VPS13B: variants seen among roughly 807,000 people sequenced by gnomAD.
VPS13B encodes vacuolar protein sorting 13 homolog B, also known as intermembrane lipid transfer protein VPS13B.
In VPS13B, 285 loss-of-function variants were observed where a neutral mutation model predicts 426.4. The observed-to-expected ratio is 0.67, with a 90% CI of 0.61 to 0.74. VPS13B has a LOEUF of 0.74. Ranked by LOEUF, VPS13B falls within the 30% of genes least tolerant of loss-of-function variation. VPS13B has a pLI of 0.00. For missense variants in VPS13B, 4,537 were observed against 4,782.6 expected (o/e 0.95, Z 1.51); for synonymous variants, 1,676 against 1,676.4 (o/e 1.00, Z 0.01).
chr8:99,299,210 C>T (rs770436355), intron 19 of VPS13B, among the ~76,000 whole-genome samples: 2 of 151,698 alleles, frequency 1.3e-5, no homozygotes, highest in Non-Finnish European at 2.9e-5. Flanking sequence ...TACAGGCCCC[C>T]ACCACTACAC....
chr8:99,346,099 A>G (rs1364376750), intron 19 of VPS13B: 2 of 152,336 alleles, frequency 1.3e-5, no homozygotes, highest in Admixed American at 1.3e-4. Flanking sequence ...AGCACTGCCA[A>G]CATGGAACCA....
intron 52 of VPS13B, among the ~76,000 whole-genome samples, chr8:99,833,709 A>G (rs1815216544): frequency 6.6e-6 from 1 of 152,238 alleles, no homozygotes; most frequent in Non-Finnish European, 1.5e-5. Flanking sequence ...ACATTTTTTA[A>G]AAAACAAAAT....
intron 21 of VPS13B, among the ~76,000 whole-genome samples, chr8:99,423,975 T>A (rs1816531572): frequency 6.6e-6 from 1 of 152,176 alleles, no homozygotes; most frequent in African/African-American, 2.4e-5. Flanking sequence ...GTTAACTTTC[T>A]GTCTCGTTGA....
intron 39 of VPS13B, among the ~76,000 whole-genome samples, chr8:99,725,383 AG>A (rs1833300729): frequency 6.6e-6 from 1 of 152,210 alleles, no homozygotes; most frequent in Admixed American, 6.5e-5. Flanking sequence ...TCTAATGAGC[AG>A]GGGCATTACA....
Position 99,661,466 on chromosome 8 carries a change from G to T in VPS13B, c.6021G>T (p.Gln2007His), listed in dbSNP as rs398124335. The T allele has an allele frequency of 1.9e-6, 3 of 1,613,338 alleles. No individual in the cohort carries two copies. The Admixed American group carries it at 5.0e-5, about 27-fold the overall frequency. The stretch of plus-strand genomic sequence containing the variant: ...TTCCACCTTCCTTTATAACACTACA[G>T]ATTAAAGACTTTCTGAATGGACCAG... Reference protein sequence around the residue: ...SGIPPSFITLQIKDFLNGPAD... With the variant: ...SGIPPSFITLHIKDFLNGPAD... Residue 2007 changes from glutamine to histidine, a missense_variant, in exon 35 of 62, where the codon CAG (glutamine) becomes CAT (histidine). Gln to His is a conservative substitution (Grantham distance 24). Around this residue, in one of 2 missense-constraint regions of VPS13B, gnomAD observed 4,311 missense variants for 4,474.3 expected, o/e 0.96. Coordinates refer to ENST00000357162, the MANE Select transcript of VPS13B (RefSeq NM_152564.5).
rs546154970 is a variant in VPS13B at position 99,397,133 on chromosome 8, T to G, written c.3082+5429T>G. Among the ~76,000 whole-genome samples, 102 of 152,242 alleles carry G rather than the reference T, an allele frequency of 6.7e-4. 1 individual carries two copies. Among genetic ancestry groups the G allele is most frequent in the Admixed American group, 1.6e-3 (24 of 15,284 alleles). On this transcript the variant is annotated intron_variant, in intron 21 of 61. Coordinates refer to ENST00000357162, the MANE Select transcript of VPS13B (RefSeq NM_152564.5). The stretch of plus-strand genomic sequence containing the variant: ...AATCATCTTTGGTTATTGAGTAGAA[T>G]ATTTCTTCTTTATTTATTTATTTAT...
chr8:99,821,330 AAC>A lies in VPS13B; in HGVS notation c.9034_9035del (p.Thr3012CysfsTer8). 6.2e-7 allele frequency: 1 copy of A among 1,613,840 alleles called. No individual in the cohort carries two copies. Among genetic ancestry groups the A allele is most frequent in the Non-Finnish European group, 8.5e-7 (1 of 1,179,798 alleles). On this transcript the variant is annotated frameshift_variant, in exon 50 of 62. Transcript: ENST00000357162. LOFTEE classifies it high-confidence loss of function. Reference protein sequence around the residue: ...FQIGIYWANTNTVHKSVAIKL... With the variant: ...FQIGIYWANTXTVHKSVAIKL... ...AATTGGAATATACTGGGCAAATACA[AAC>A]ACTGTGCACAAGTCAGTAGCAATTA...
chr8:99,034,658 A>G (rs951236320), intron 2 of VPS13B, among the ~76,000 whole-genome samples: 3 of 151,838 alleles, frequency 2.0e-5, no homozygotes, highest in African/African-American at 7.3e-5. Context: ...CATTTTCCAG[A>G]TTTCTCTGTT....
intron 29 of VPS13B, among the ~76,000 whole-genome samples, chr8:99,515,400 TTCCTCCTCCTCC>T (rs751830064): frequency 6.6e-6 from 1 of 150,726 alleles, no homozygotes; most frequent in Non-Finnish European, 1.5e-5. Flanking sequence ...CTGCTTCTGC[TTCCTCCTCCTCC>T]TCCTCCTCCT....
rs1211028912 is a variant in VPS13B, at chr8:99,014,110, C to CTTTTTTTTTTTTTTT, written c.147+186_147+200dup. ...TACACTATTTTCTTTTTCTTTCTTT[C>CTTTTTTTTTTTTTTT]TTTTTTTTTTTTTTTTTTTTTTTTT... On this transcript the variant is annotated intron_variant, in intron 2 of 61. Transcript: ENST00000357162. Among the ~76,000 whole-genome samples, 131 of 72,310 alleles carry CTTTTTTTTTTTTTTT rather than the reference C, an allele frequency of 1.8e-3. 1 individual carries two copies. The highest frequency in any genetic ancestry group is 0.016 in the Middle Eastern group (1 of 64). 47.4% of individuals were successfully genotyped at this position (72,310 alleles called of 152,430 possible). A position where few individuals can be genotyped will look rare whatever the true frequency, so the allele number is the denominator to read the frequency against.
intron 30 of VPS13B, among the ~76,000 whole-genome samples, chr8:99,542,653 GGA>G (rs1247473781): frequency 6.6e-6 from 1 of 152,130 alleles, no homozygotes; most frequent in Middle Eastern, 3.2e-3. Flanking sequence ...ATAGGTGGAT[GGA>G]GAGCCCTTAA....
chr8:99,643,588 C>G lies in VPS13B; in HGVS notation c.5908+1090C>G, dbSNP rs569904674. Among the ~76,000 whole-genome samples, 6 of 152,198 alleles carry G rather than the reference C, an allele frequency of 3.9e-5. No individual in the cohort carries two copies. In the South Asian group the frequency reaches 6.2e-4, roughly 16 times the overall value. ...GCTGAGGAGTAACCTAGGGTTACCC[C>G]CAGGCTGCTTGCTGGCCCTCTCTCC... On this transcript the variant is annotated intron_variant, in intron 34 of 61. Coordinates refer to ENST00000357162, the MANE Select transcript of VPS13B (RefSeq NM_152564.5).
intron 3 of VPS13B, among the ~76,000 whole-genome samples, chr8:99,045,625 C>A (rs1843200900): frequency 6.6e-6 from 1 of 152,134 alleles, no homozygotes; most frequent in Admixed American, 6.5e-5. Context: ...CTCGCCTAAG[C>A]CAATGTCTAG....
In VPS13B at chr8:99,391,565, G is replaced by A. The variant is rs759221342; in HGVS notation, c.2943G>A (p.Val981=). ...RTSRHMQQQP[V]VAVPLVMPVC... Reference sequence around the variant, plus strand: ...ATTTTGTCTCTTTCCAGCAGCCTGTGGTAGCTGTTCCTCTTGTTATGCCAG... The same window carrying A: ...ATTTTGTCTCTTTCCAGCAGCCTGTAGTAGCTGTTCCTCTTGTTATGCCAG... Residue 981 remains valine (V), a synonymous_variant, in exon 21 of 62, where the codon GTG becomes GTA. Coordinates refer to ENST00000357162, the MANE Select transcript of VPS13B (RefSeq NM_152564.5). 1 of 1,614,170 alleles carries A rather than the reference G, an allele frequency of 6.2e-7. No homozygotes were observed. Among genetic ancestry groups the A allele is most frequent in the East Asian group, 2.2e-5 (1 of 44,874 alleles).
intron 24 of VPS13B, among the ~76,000 whole-genome samples, chr8:99,470,221 G>A (rs553263604): frequency 2.1e-4 from 32 of 152,232 alleles, no homozygotes; most frequent in African/African-American, 7.2e-4. Context: ...CTCTTAGCAT[G>A]GCAGTATAAG....
At chr8:99,521,134 C>A in intron 30 of VPS13B, 124 bp downstream of exon 30, 1 of 805,840 alleles carries the variant, frequency 1.2e-6, no homozygotes, top group South Asian at 1.6e-5. Context: ...TATTTAAAAC[C>A]AGGTTTTTCT....
At chr8:99,401,082 G>A (rs975133192) in intron 21 of VPS13B, among the ~76,000 whole-genome samples, 5 of 151,970 alleles carry the variant, frequency 3.3e-5, no homozygotes, top group Admixed American at 3.3e-4. Flanking sequence ...TGACATAATT[G>A]GAAAGCTGCC....
chr8:99,584,077 A>G (rs1163509393), intron 33 of VPS13B, among the ~76,000 whole-genome samples: 1 of 152,108 alleles, frequency 6.6e-6, no homozygotes, highest in Admixed American at 6.5e-5. Context: ...CCAGTAAAAT[A>G]TGGATTCAAG....
chr8:99,101,552 G>C (rs1270296561), intron 4 of VPS13B, among the ~76,000 whole-genome samples: 1 of 152,136 alleles, frequency 6.6e-6, no homozygotes, highest in Non-Finnish European at 1.5e-5. Flanking sequence ...AATTATTTTA[G>C]CATCTACTCA....
Sources: gnomAD v4.1 joint callset for allele counts (sites outside exome capture counted in the v4.1 genomes callset) on GRCh38, gnomAD v4.1.1 for gene constraint, gnomAD v4.1.1 regional missense constraint, MANE v1.5 for transcripts, NCBI Gene and HGNC (gene_info 2026-07-23, HGNC 2026-07-21) for gene names.